Variants in ELAPOR2 observed in about 807,000 individuals in gnomAD.
ELAPOR2 encodes the protein endosome-lysosome associated apoptosis and autophagy regulator family member 2.
Under a neutral mutation model 120.7 loss-of-function variants are expected in ELAPOR2, and 89 were observed. The observed-to-expected ratio is 0.74, with a 90% CI of 0.62 to 0.88. ELAPOR2 has a LOEUF of 0.88. Ranked by LOEUF, ELAPOR2 falls within the 40% of genes least tolerant of loss-of-function variation. The probability of loss-of-function intolerance (pLI) is 0.00; values close to 1 mark genes in which losing one functional copy is unlikely to be tolerated. For missense variants in ELAPOR2, 1,134 were observed against 1,251.6 expected, an observed-to-expected ratio of 0.91 and a Z score of 1.42; for synonymous variants, 444 against 444.9, an observed-to-expected ratio of 1.00 and a Z score of 0.03.
At chr7:86,993,191 G>A (rs1344261497) in intron 1 of ELAPOR2, among the ~76,000 whole-genome samples, 8 of 132,648 alleles carry the variant, frequency 6.0e-5, no homozygotes, top group Non-Finnish European at 1.2e-4. Flanking sequence ...AGCCAAGATC[G>A]CACCACCGTA....
chr7:86,944,894 CT>C lies in ELAPOR2; in HGVS notation c.654+4del. 1 of 1,536,578 alleles carries C rather than the reference CT, an allele frequency of 6.5e-7. No homozygotes were observed. Among genetic ancestry groups the C allele is most frequent in the Non-Finnish European group, 8.7e-7 (1 of 1,142,986 alleles). ...AAGTAAATTCCAGAATACAAAAGGT[CT>C]TACAAAGAACTCAAAGAAGATGTTG... On this transcript the variant is annotated splice_donor_region_variant and intron_variant, in intron 4 of 21. Coordinates refer to ENST00000450689, the MANE Select transcript of ELAPOR2 (RefSeq NM_001142749.3).
At chr7:87,047,928 CCATCAA>C (rs1406244134) in intron 1 of ELAPOR2, among the ~76,000 whole-genome samples, 1 of 152,158 alleles carries the variant, frequency 6.6e-6, no homozygotes, top group Non-Finnish European at 1.5e-5. Context: ...ACCTAAGTGT[CCATCAA>C]CAAATGAATG....
intron 1 of ELAPOR2, among the ~76,000 whole-genome samples, chr7:87,031,577 TA>T (rs1794424367): frequency 6.6e-6 from 1 of 152,176 alleles, no homozygotes; most frequent in Non-Finnish European, 1.5e-5. Context: ...AGAACAGCGT[TA>T]AATACTGAAT....
chr7:86,932,626 G>A (rs1276143599), intron 8 of ELAPOR2, among the ~76,000 whole-genome samples: 1 of 151,908 alleles, frequency 6.6e-6, no homozygotes, highest in East Asian at 1.9e-4. Context: ...TAGTGGATAT[G>A]AGACAACTTT....
chr7:87,050,436 T>C (rs1795067814), intron 1 of ELAPOR2, among the ~76,000 whole-genome samples: 1 of 152,112 alleles, frequency 6.6e-6, no homozygotes, highest in African/African-American at 2.4e-5. Context: ...TTGCTCCTGC[T>C]TTTACCATGT....
At chr7:86,957,022 TCTC>T (rs1791499434) in intron 2 of ELAPOR2, among the ~76,000 whole-genome samples, 1 of 152,190 alleles carries the variant, frequency 6.6e-6, no homozygotes, top group Admixed American at 6.5e-5. Flanking sequence ...AGTTTTCTCA[TCTC>T]CTCATAAAAC....
Position 86,891,857 on chromosome 7 carries a change from G to A in ELAPOR2, c.2897C>T (p.Thr966Met), listed in dbSNP as rs199613938. The change falls in exon 21 of 22, where the codon ACG becomes ATG. Residue 966 changes from threonine (T) to methionine (M), a missense_variant. Thr to Met is a moderately conservative substitution (Grantham distance 81, BLOSUM62 -1). This residue lies in a region of ELAPOR2 where 831 missense variants were observed against 867.6 expected (regional missense o/e 0.96). Transcript: ENST00000450689. Reference protein sequence around the residue: ...LEYKYSKLVMTTNSKECELPA... With the variant: ...LEYKYSKLVMMTNSKECELPA... ...GAGTTCACACTCTTTTGAGTTAGTC[G>A]TCATTACTAACTTGGAATATTTGTA... 49 of 1,607,366 alleles carry A rather than the reference G, an allele frequency of 3.0e-5. No individual in the cohort carries two copies. In the East Asian group the frequency reaches 5.6e-4, roughly 18 times the overall value.
intron 1 of ELAPOR2, among the ~76,000 whole-genome samples, chr7:86,984,429 T>C (rs1051021856): frequency 1.3e-5 from 2 of 152,152 alleles, no homozygotes; most frequent in Non-Finnish European, 2.9e-5. Flanking sequence ...TGACACACAG[T>C]TGGAAGTAAA....
rs1789669076 is a variant in ELAPOR2 at position 86,918,442 on chromosome 7, C to T, written c.1593G>A (p.Val531=). ...CTTTGAAAGCCGCCCGTCCACTTAC[C>T]ACCATGAAGTACAAAACACAGTCAG... The part of the protein sequence containing the change: ...CSADCVLYFM[V]DINRKSTNVV... Residue 531 remains valine (V), a splice_region_variant and synonymous_variant, in exon 12 of 22, where the codon GTG becomes GTA. Coordinates refer to ENST00000450689, the MANE Select transcript of ELAPOR2 (RefSeq NM_001142749.3). 6.2e-7 allele frequency: 1 copy of T among 1,604,006 alleles called. No homozygotes were observed. Among genetic ancestry groups the T allele is most frequent in the South Asian group, 1.1e-5 (1 of 90,620 alleles).
Position 86,988,577 on chromosome 7 carries a change from C to T in ELAPOR2, c.190-23553G>A, listed in dbSNP as rs534004529. 7.9e-5 allele frequency among the ~76,000 whole-genome samples: 12 copies of T among 152,194 alleles called. 1 individual carries two copies. The highest frequency in any genetic ancestry group is 1.9e-4 in the African/African-American group (8 of 41,518). ...GGATATTGGTATCTACTAGGGGTTC[C>T]GGAACCAATCCCCTACAGATACTGA... On this transcript the variant is annotated intron_variant, in intron 1 of 21. Coordinates refer to ENST00000450689, the MANE Select transcript of ELAPOR2 (RefSeq NM_001142749.3).
chr7:86,985,156 T>C (rs994386572), intron 1 of ELAPOR2, among the ~76,000 whole-genome samples: 2 of 152,036 alleles, frequency 1.3e-5, no homozygotes, highest in African/African-American at 4.8e-5. Flanking sequence ...AAATTGAATC[T>C]CTGAATAGAC....
chr7:87,036,191 A>G (rs1165069011), intron 1 of ELAPOR2, among the ~76,000 whole-genome samples: 1 of 152,202 alleles, frequency 6.6e-6, no homozygotes, highest in Non-Finnish European at 1.5e-5. Context: ...GTCTCACTGT[A>G]GGCCAAGCAT....
At chr7:87,022,592 C>T (rs1423404761) in intron 1 of ELAPOR2, among the ~76,000 whole-genome samples, 1 of 151,818 alleles carries the variant, frequency 6.6e-6, no homozygotes, top group African/African-American at 2.4e-5. Flanking sequence ...GGGTATATAC[C>T]CAGTAATGGG....
In ELAPOR2 at chr7:86,878,066, G is replaced by C. The variant is rs909411474; in HGVS notation, c.*2405C>G. The C allele has an allele frequency of 2.6e-5, 4 of 152,142 alleles. No homozygotes were observed. Among genetic ancestry groups the C allele is most frequent in the Non-Finnish European group, 1.5e-5 (1 of 68,006 alleles). The allele number at this position is 152,142 out of a possible 1,614,324, so 9.4% of individuals were successfully genotyped here. A position where few individuals can be genotyped will look rare whatever the true frequency, so the allele number is the denominator to read the frequency against. On this transcript the variant is annotated 3_prime_UTR_variant, in exon 22 of 22. Transcript: ENST00000450689. The stretch of plus-strand genomic sequence containing the variant: ...CAGTTGACTTAATGAAGTAGTTAAG[G>C]CTTCAAAATTGTGCCTTTTAGAAAA...
At chr7:86,980,860 C>T (rs2116551347) in intron 1 of ELAPOR2, among the ~76,000 whole-genome samples, 1 of 152,250 alleles carries the variant, frequency 6.6e-6, no homozygotes, top group African/African-American at 2.4e-5. Flanking sequence ...ACGTTTCCCC[C>T]ATTATTAAGA....
At chr7:86,966,203 G>A (rs946284286) in intron 1 of ELAPOR2, among the ~76,000 whole-genome samples, 2 of 152,050 alleles carry the variant, frequency 1.3e-5, no homozygotes, top group African/African-American at 4.8e-5. Flanking sequence ...TACAAGTTTT[G>A]CTTTCCACAC....
rs1196504977 is a variant in ELAPOR2, at chr7:87,059,508, C to T, written c.6G>A (p.Leu2=). 7 of 1,198,930 alleles carry T rather than the reference C, an allele frequency of 5.8e-6. No homozygotes were observed. Among genetic ancestry groups the T allele is most frequent in the Non-Finnish European group, 7.2e-6 (7 of 966,294 alleles). 74.3% of individuals were successfully genotyped at this position (1,198,930 alleles called of 1,614,324 possible). M[L]FRARGPVRGR... Reference sequence around the variant, plus strand: ...CCCGTACCGGCCCCCGGGCGCGGAACAGCATCTTCGTCCGGCCGCGGTCGG... The same window carrying T: ...CCCGTACCGGCCCCCGGGCGCGGAATAGCATCTTCGTCCGGCCGCGGTCGG... The change falls in exon 1 of 22, where the codon CTG becomes CTA. Residue 2 remains leucine, a synonymous_variant. Transcript: ENST00000450689.
intron 1 of ELAPOR2, among the ~76,000 whole-genome samples, chr7:87,011,221 T>TCGCTCCACTGCACTCCA (rs56074608): frequency 7.2e-6 from 1 of 138,102 alleles, no homozygotes. Flanking sequence ...TGAGCCAAGA[T>TCGCTCCACTGCACTCCA]GCATGGCGAC....
intron 2 of ELAPOR2, among the ~76,000 whole-genome samples, chr7:86,963,756 A>C (rs963729900): frequency 1.3e-5 from 2 of 152,176 alleles, no homozygotes; most frequent in Non-Finnish European, 2.9e-5. Context: ...TGTCACTGAG[A>C]GCTCATCTGC....
Sources: gnomAD v4.1 joint callset for allele counts (sites outside exome capture counted in the v4.1 genomes callset) on GRCh38, gnomAD v4.1.1 for gene constraint, gnomAD v4.1.1 regional missense constraint, MANE v1.5 for transcripts, NCBI Gene and HGNC (gene_info 2026-07-23, HGNC 2026-07-21) for gene names.